Variants in LRP2 observed in about 807,000 individuals in gnomAD.
LRP2 encodes the protein LDL receptor related protein 2.
In LRP2, 172 loss-of-function variants were observed where a neutral mutation model predicts 531.0. The observed-to-expected ratio is 0.32, with a 90% CI of 0.29 to 0.37. The LOEUF is 0.37. Among genes scored for constraint, LRP2 ranks in the 10% least tolerant of loss-of-function variants. LRP2 has a pLI of 1.00. For synonymous variants in LRP2, 1,992 were observed against 2,027.6 expected, an observed-to-expected ratio of 0.98 and a Z score of 0.47; for missense variants, 5,167 against 5,868.3, an observed-to-expected ratio of 0.88 and a Z score of 3.90.
intron 3 of LRP2, among the ~76,000 whole-genome samples, chr2:169,309,505 G>A (rs975366081): frequency 1.3e-5 from 2 of 152,086 alleles, no homozygotes; most frequent in African/African-American, 4.8e-5. Context: ...TCTTGTTTTT[G>A]TCAGGTTTGT....
chr2:169,173,449 C>T, intron 56 of LRP2, among the ~76,000 whole-genome samples: 1 of 152,162 alleles, frequency 6.6e-6, no homozygotes, highest in African/African-American at 2.4e-5. Context: ...TACAGTATAA[C>T]TTTGTGGGTG....
rs1304352348 is a variant in LRP2, at chr2:169,278,021, G to A, written c.1566-70C>T. On this transcript the variant is annotated intron_variant, in intron 12 of 78. Coordinates refer to ENST00000649046, the MANE Select transcript of LRP2 (RefSeq NM_004525.3). ...GTTAACCTGGGAATTTTTTTTAACA[G>A]TGTGTTTGGATCAATGGAAATTTTA... The A allele has an allele frequency of 1.3e-5, 16 of 1,268,924 alleles. No homozygotes were observed. The Admixed American group carries it at 2.8e-4, about 22-fold the overall frequency. 78.6% of individuals were successfully genotyped at this position (1,268,924 alleles called of 1,614,324 possible). A position where few individuals can be genotyped will look rare whatever the true frequency, so the allele number is the denominator to read the frequency against.
Position 169,127,548 on chromosome 2 carries a change from A to AAAC in LRP2, c.*1114_*1115insGTT. 6.6e-6 allele frequency: 1 copy of AAAC among 152,054 alleles called. No homozygotes were observed. The highest frequency in any genetic ancestry group is 2.4e-5 in the African/African-American group (1 of 41,396). The allele number at this position is 152,054 out of a possible 1,614,324, so 9.4% of individuals were successfully genotyped here. A position where few individuals can be genotyped will look rare whatever the true frequency, so the allele number is the denominator to read the frequency against. ...ACTCCATCTCTAAAAAAAAAAAAAA[A>AAAC]AAAAAAACCAATAAGAATTAAAGAA... On this transcript the variant is annotated 3_prime_UTR_variant, in exon 79 of 79. Coordinates refer to ENST00000649046, the MANE Select transcript of LRP2 (RefSeq NM_004525.3).
chr2:169,204,017 T>C lies in LRP2; in HGVS notation c.7970A>G (p.Gln2657Arg), dbSNP rs1355671344. The C allele has an allele frequency of 1.2e-6, 2 of 1,614,236 alleles. No individual in the cohort carries two copies. Among genetic ancestry groups the C allele is most frequent in the Non-Finnish European group, 1.7e-6 (2 of 1,180,034 alleles). The change falls in exon 42 of 79, where the codon CAG becomes CGG. Residue 2657 changes from glutamine (Q) to arginine (R), a missense_variant. Physicochemically the swap from Gln to Arg is conservative, Grantham distance 43 (BLOSUM62 1). Transcript: ENST00000649046. ...QKQQCNNPCE[Q>R]FNGGCSHICA... ...GATATGGCTGCAGCCCCCATTAAAC[T>C]GTTCACAAGGATTGTTACACTGTTG...
chr2:169,183,231 C>T (rs1372048903), intron 50 of LRP2, among the ~76,000 whole-genome samples: 1 of 152,230 alleles, frequency 6.6e-6, no homozygotes, highest in Admixed American at 6.5e-5. Context: ...CTTAACCATT[C>T]ATGCTGGATA....
intron 57 of LRP2, among the ~76,000 whole-genome samples, chr2:169,172,612 T>G (rs1162901543): frequency 6.6e-6 from 1 of 152,164 alleles, no homozygotes; most frequent in Non-Finnish European, 1.5e-5. Context: ...TTTCCCATGT[T>G]ACCAGAGAGA....
intron 46 of LRP2, among the ~76,000 whole-genome samples, 159 bp from the exon 47 acceptor site, chr2:169,194,051 G>A (rs1400702021): frequency 2.6e-5 from 4 of 152,110 alleles, no homozygotes; most frequent in Non-Finnish European, 5.9e-5. Flanking sequence ...TAGTACCAGC[G>A]ACCAACAGTT....
chr2:169,165,857 C>T, intron 62 of LRP2, 75 bp downstream of exon 62: 1 of 1,580,494 alleles, frequency 6.3e-7, no homozygotes, highest in East Asian at 2.2e-5. Flanking sequence ...AACTGAAATC[C>T]CAGAGGCACA....
chr2:169,303,132 T>C (rs1684327119), intron 4 of LRP2, among the ~76,000 whole-genome samples: 1 of 152,154 alleles, frequency 6.6e-6, no homozygotes, highest in South Asian at 2.1e-4. Flanking sequence ...ATTGATGTAA[T>C]TGAGTGATGC....
chr2:169,155,526 T>C (rs1686296814), intron 65 of LRP2, among the ~76,000 whole-genome samples: 1 of 152,200 alleles, frequency 6.6e-6, no homozygotes. Context: ...ACTCTTAATT[T>C]ACAAAATAAA....
intron 3 of LRP2, among the ~76,000 whole-genome samples, chr2:169,313,290 A>G (rs539779974): frequency 1.1e-3 from 173 of 152,160 alleles, no homozygotes; most frequent in African/African-American, 3.8e-3. Context: ...AGGTGCTCTG[A>G]TTTTTAGAAT....
At position 169,267,649 on chromosome 2, in the gene LRP2, A is replaced by G. The variant is rs575800261; in HGVS notation, c.2320+3255T>C. ...ATAGCACTAAATGCCCACAGGAGAA[A>G]GCAGTAGAGATCTAAAACTGACACC... On this transcript the variant is annotated intron_variant, in intron 16 of 78. Transcript: ENST00000649046. Among the ~76,000 whole-genome samples the G allele has an allele frequency of 3.9e-5, 6 of 152,328 alleles. No homozygotes were observed. The Middle Eastern group carries it at 0.017, about 432-fold the overall frequency.
chr2:169,239,533 C>T lies in LRP2; in HGVS notation c.4288G>A (p.Val1430Ile). 3 of 1,614,048 alleles carry T rather than the reference C, an allele frequency of 1.9e-6. No individual in the cohort carries two copies. Among genetic ancestry groups the T allele is most frequent in the South Asian group, 2.2e-5 (2 of 91,076 alleles). The stretch of plus-strand genomic sequence containing the variant: ...GGGTTAGTTCAGCAATTACCTGTAA[C>T]TTTGCAAGTCCTCCCATCACTTTCT... ...MLESDGRTCK[V>I]TASESLLLLV... Residue 1430 changes from valine (V) to isoleucine (I), a missense_variant, in exon 26 of 79, where the codon GTT becomes ATT. Val to Ile is a conservative substitution (Grantham distance 29). Around this residue, in one of 6 missense-constraint regions of LRP2, gnomAD observed 2,811 missense variants for 3,058.0 expected, o/e 0.92. Transcript: ENST00000649046.
intron 54 of LRP2, 120 bp downstream of exon 54, chr2:169,176,291 A>T: frequency 9.1e-7 from 1 of 1,093,184 alleles, no homozygotes. Context: ...GTTCCACATG[A>T]ACCAAGTTAA....
intron 54 of LRP2, among the ~76,000 whole-genome samples, chr2:169,175,789 C>T (rs755857417): frequency 2.6e-5 from 4 of 152,254 alleles, no homozygotes; most frequent in East Asian, 3.9e-4. Context: ...GTCTTTCTCA[C>T]GATAAATGTA....
chr2:169,297,693 T>C (rs1335069512), intron 4 of LRP2, among the ~76,000 whole-genome samples: 1 of 152,174 alleles, frequency 6.6e-6, no homozygotes, highest in Non-Finnish European at 1.5e-5. Context: ...TGATTTGGTT[T>C]GAAGCAAGAA....
Position 169,206,781 on chromosome 2 carries a change from G to A in LRP2, c.6939C>T (p.Pro2313=). The A allele has an allele frequency of 6.2e-7, 1 of 1,614,106 alleles. No individual in the cohort carries two copies. The highest frequency in any genetic ancestry group is 1.1e-5 in the South Asian group (1 of 91,076). The part of the protein sequence containing the change: ...ASKEPENTEP[P]TVIRDNINWL... ...AGTTGATATTGTCTCTTATCACTGTGGGTGGCTCTGTGTTCTCTGGTTCCT... is the reference window on the plus strand; with the variant it reads ...AGTTGATATTGTCTCTTATCACTGTAGGTGGCTCTGTGTTCTCTGGTTCCT... Residue 2313 remains proline, a synonymous_variant, in exon 39 of 79, where the codon CCC becomes CCT. Transcript: ENST00000649046.
At chr2:169,200,330 G>A (rs1343866866) in intron 44 of LRP2, among the ~76,000 whole-genome samples, 1 of 152,156 alleles carries the variant, frequency 6.6e-6, no homozygotes, top group African/African-American at 2.4e-5. Context: ...AGCAATGAAA[G>A]CTAAGTAGGA....
rs1465129959 is a variant in LRP2 at position 169,247,435 on chromosome 2, G to A, written c.2851C>T (p.Arg951Ter). 6.2e-7 allele frequency: 1 copy of A among 1,613,970 alleles called. No individual in the cohort carries two copies. Among genetic ancestry groups the A allele is most frequent in the Non-Finnish European group, 8.5e-7 (1 of 1,179,900 alleles). Residue 951 changes from arginine to a stop codon, truncating the protein, a stop_gained, in exon 20 of 79, where the codon CGA becomes TGA. Transcript: ENST00000649046. LOFTEE classifies it high-confidence loss of function. ...KADGGEMTVI[R>*]SGIAYILHLK... ...TGCAGTATGTAAGCAATGCCACTTC[G>A]GATAACTGTCATTTCTCCACCATCT...
Sources: gnomAD v4.1 joint callset for allele counts (sites outside exome capture counted in the v4.1 genomes callset) on GRCh38, gnomAD v4.1.1 for gene constraint, gnomAD v4.1.1 regional missense constraint, MANE v1.5 for transcripts, NCBI Gene and HGNC (gene_info 2026-07-23, HGNC 2026-07-21) for gene names.